The following KDM2B variants were observed in gnomAD, a reference collection of about 807,000 sequenced individuals.
KDM2B encodes lysine demethylase 2B, also known as lysine-specific demethylase 2B.
Under a neutral mutation model 150.0 loss-of-function variants are expected in KDM2B, and 26 were observed. That is an observed-to-expected ratio of 0.17 (90% CI 0.13 to 0.24). The LOEUF (loss-of-function observed/expected upper bound fraction) is 0.24, where lower values mean the gene tolerates loss of function less well. Among genes scored for constraint, KDM2B ranks in the 10% least tolerant of loss-of-function variants. The pLI, the probability that KDM2B is intolerant of heterozygous loss-of-function variation, is 1.00. For synonymous variants in KDM2B, 734 were observed against 729.5 expected, an observed-to-expected ratio of 1.01 and a Z score of -0.10; for missense variants, 1,265 against 1,816.9, an observed-to-expected ratio of 0.70 and a Z score of 5.52.
intron 8 of KDM2B, among the ~76,000 whole-genome samples, chr12:121,529,909 A>C (rs1203268519): frequency 6.9e-6 from 1 of 145,308 alleles, no homozygotes; most frequent in African/African-American, 2.6e-5. Flanking sequence ...CAGCCTGGCG[A>C]CAGAGCAAGA....
At chr12:121,551,241 AG>A (rs1462686840) in intron 4 of KDM2B, among the ~76,000 whole-genome samples, 1 of 152,198 alleles carries the variant, frequency 6.6e-6, no homozygotes, top group Non-Finnish European at 1.5e-5. Flanking sequence ...GAAAAATAAA[AG>A]TAACTCTGTG....
At chr12:121,580,363 G>C in intron 1 of KDM2B, 2 of 1,144,842 alleles carry the variant, frequency 1.7e-6, no homozygotes, top group Non-Finnish European at 2.2e-6. Context: ...CGGGCTTGGG[G>C]GGGTGGGGGC....
At position 121,452,055 on chromosome 12, in the gene KDM2B, A is replaced by C. The variant is rs1566280737; in HGVS notation, c.1959+1065T>G. Among the ~76,000 whole-genome samples, 1 of 152,172 alleles carries C rather than the reference A, an allele frequency of 6.6e-6. No homozygotes were observed. Among genetic ancestry groups the C allele is most frequent in the Non-Finnish European group, 1.5e-5 (1 of 68,032 alleles). The stretch of plus-strand genomic sequence containing the variant: ...ATAAACAAGCCAATCCAATCACAGA[A>C]AGCCAATTACTGCATAATTCCACTT... On this transcript the variant is annotated intron_variant, in intron 13 of 22. Coordinates refer to ENST00000377071, the MANE Select transcript of KDM2B (RefSeq NM_032590.5). The surrounding 1 kb of genome is among the most constrained non-coding windows in gnomAD (Gnocchi z 4.4).
intron 22 of KDM2B, among the ~76,000 whole-genome samples, chr12:121,432,122 T>TC (rs79864985): frequency 0.016 from 2,360 of 152,128 alleles, 48 homozygotes; most frequent in East Asian, 0.13. Context: ...ACTCAAGTGA[T>TC]CCATCCAGCT....
intron 6 of KDM2B, among the ~76,000 whole-genome samples, chr12:121,547,950 T>C (rs1889199045): frequency 6.6e-6 from 1 of 152,078 alleles, no homozygotes; most frequent in Non-Finnish European, 1.5e-5. Context: ...CTCTTTCCCC[T>C]TTCAGAGTTG....
At chr12:121,491,897 T>C (rs1883406749) in intron 12 of KDM2B, among the ~76,000 whole-genome samples, 2 of 151,970 alleles carry the variant, frequency 1.3e-5, no homozygotes, top group Admixed American at 1.3e-4. Flanking sequence ...GCACTGTGGC[T>C]CACGCCTGTA....
chr12:121,442,612 G>C lies in KDM2B; in HGVS notation c.2829C>G (p.Asn943Lys). The part of the protein sequence containing the change: ...VKMRRKRRLP[N>K]KELSRELSKE... ...TGCTCAGCTCCCTGCTCAGCTCCTTGTTGGGAAGCCGCCGCTTCCGGCGCA... is the reference window on the plus strand; with the variant it reads ...TGCTCAGCTCCCTGCTCAGCTCCTTCTTGGGAAGCCGCCGCTTCCGGCGCA... Residue 943 changes from asparagine to lysine, a missense_variant, in exon 19 of 23, where the codon AAC becomes AAG. Coordinates refer to ENST00000377071, the MANE Select transcript of KDM2B (RefSeq NM_032590.5). This position sits in a 1 kb window ranked among gnomAD's most constrained non-coding sequence, Gnocchi z 7.7. The C allele has an allele frequency of 6.2e-7, 1 of 1,602,504 alleles. No homozygotes were observed. The highest frequency in any genetic ancestry group is 1.1e-5 in the South Asian group (1 of 90,916).
chr12:121,522,514 CAAA>C (rs113323793), intron 8 of KDM2B, among the ~76,000 whole-genome samples: 3 of 94,148 alleles, frequency 3.2e-5, no homozygotes, highest in Non-Finnish European at 2.2e-5. Flanking sequence ...AACTCCGTCT[CAAA>C]AAAAAAAAAA....
rs144247530 is a variant in KDM2B at position 121,429,145 on chromosome 12, C to T, written c.*1143G>A. ...TGACTCTGGGCTTAAACTTCTAGTCCACTCCTAGAACAGAAACCCTCAAAG... is the reference window on the plus strand; with the variant it reads ...TGACTCTGGGCTTAAACTTCTAGTCTACTCCTAGAACAGAAACCCTCAAAG... On this transcript the variant is annotated 3_prime_UTR_variant, in exon 23 of 23. Coordinates refer to ENST00000377071, the MANE Select transcript of KDM2B (RefSeq NM_032590.5). The T allele has an allele frequency of 6.5e-6, 1 of 152,768 alleles. No individual in the cohort carries two copies. Among genetic ancestry groups the T allele is most frequent in the East Asian group, 1.9e-4 (1 of 5,194 alleles). The allele number at this position is 152,768 out of a possible 1,614,324, so 9.5% of individuals were successfully genotyped here.
chr12:121,547,645 CTTTTTTT>C (rs55686141), intron 6 of KDM2B, among the ~76,000 whole-genome samples: 1 of 80,268 alleles, frequency 1.2e-5, no homozygotes, highest in African/African-American at 4.2e-5. Flanking sequence ...CTTCCCCTTC[CTTTTTTT>C]TTTTTTTTTT....
chr12:121,467,290 C>G lies in KDM2B; in HGVS notation c.1735-13946G>C. On this transcript the variant is annotated intron_variant, in intron 12 of 22. Transcript: ENST00000377071. This position sits in a 1 kb window ranked among gnomAD's most constrained non-coding sequence, Gnocchi z 5.1. Reference sequence around the variant, plus strand: ...CGCCGCCGCCCGCCCGGAGCAGGCTCGGCTCGCCCTGGCTCGGGCTCGGGC... The same window carrying G: ...CGCCGCCGCCCGCCCGGAGCAGGCTGGGCTCGCCCTGGCTCGGGCTCGGGC... 2 of 985,402 alleles carry G rather than the reference C, an allele frequency of 2.0e-6. No homozygotes were observed. The highest frequency in any genetic ancestry group is 2.4e-6 in the Non-Finnish European group (2 of 830,722). The allele number at this position is 985,402 out of a possible 1,614,324, so 61.0% of individuals were successfully genotyped here.
At chr12:121,509,523 C>T (rs782587088) in intron 11 of KDM2B, 44 bp downstream of exon 11, 5 of 1,595,320 alleles carry the variant, frequency 3.1e-6, no homozygotes, top group African/African-American at 1.3e-5. Flanking sequence ...GGGACCTGCC[C>T]GGCCCTCCTC....
At chr12:121,581,600 A>C (rs1319880235), upstream of KDM2B, among the ~76,000 whole-genome samples, 1 of 152,232 alleles carries the variant, frequency 6.6e-6, no homozygotes, top group Non-Finnish European at 1.5e-5. Flanking sequence ...TGCTGATAAA[A>C]TGACATGGCA....
In KDM2B at chr12:121,453,048, C is replaced by A. The variant is rs1384831256; in HGVS notation, c.1959+72G>T. On this transcript the variant is annotated intron_variant, in intron 13 of 22. Transcript: ENST00000377071. This position sits in a 1 kb window ranked among gnomAD's most constrained non-coding sequence, Gnocchi z 6.4. The stretch of plus-strand genomic sequence containing the variant: ...TGTGCGGAGGGGCGGCCAGAGCGAG[C>A]AGCGGTCAGACACGCGGGCCGGCAC... 3 of 1,312,496 alleles carry A rather than the reference C, an allele frequency of 2.3e-6. No homozygotes were observed. Among genetic ancestry groups the A allele is most frequent in the East Asian group, 2.5e-5 (1 of 39,588 alleles). The allele number at this position is 1,312,496 out of a possible 1,614,324, so 81.3% of individuals were successfully genotyped here.
At chr12:121,572,533 C>T (rs184681490) in intron 4 of KDM2B, among the ~76,000 whole-genome samples, 18 of 152,342 alleles carry the variant, frequency 1.2e-4, no homozygotes, top group Non-Finnish European at 1.8e-4. Flanking sequence ...GTTCAAATGC[C>T]CCCCTTCATC....
intron 12 of KDM2B, among the ~76,000 whole-genome samples, chr12:121,457,776 A>ACACACACACACACAC (rs1878500697): frequency 6.7e-6 from 1 of 150,258 alleles, no homozygotes; most frequent in Non-Finnish European, 1.5e-5. Flanking sequence ...ACACACACAC[A>ACACACACACACACAC]AATATCTTGG....
Position 121,545,860 on chromosome 12 carries a change from G to A in KDM2B, c.683+3017C>T, listed in dbSNP as rs1888994920. Among the ~76,000 whole-genome samples, 3 of 133,666 alleles carry A rather than the reference G, an allele frequency of 2.2e-5. No individual in the cohort carries two copies. The Admixed American group carries it at 2.5e-4, about 11-fold the overall frequency. The allele number at this position is 133,666 out of a possible 152,430, so 87.7% of individuals were successfully genotyped here. ...CCCTGCATTCACTGCCTCTGTTCCA[G>A]CCCCACTGGCCTTCCTTCCACAGGT... On this transcript the variant is annotated intron_variant, in intron 6 of 22. Transcript: ENST00000377071.
At chr12:121,420,526 G>A in the KDM2B span, 1 of 1,593,332 alleles carries the variant, frequency 6.3e-7, no homozygotes, top group Admixed American at 1.7e-5. Flanking sequence ...TTTAGAGTGG[G>A]GAGGGTCTGG....
At chr12:121,555,081 G>C (rs1889795966) in intron 4 of KDM2B, among the ~76,000 whole-genome samples, 1 of 152,120 alleles carries the variant, frequency 6.6e-6, no homozygotes, top group Non-Finnish European at 1.5e-5. Context: ...AGCTACTTGG[G>C]AGGATCACTT....
Sources: gnomAD v4.1 joint callset for allele counts (sites outside exome capture counted in the v4.1 genomes callset) on GRCh38, gnomAD v4.1.1 for gene constraint, Gnocchi (gnomAD v3.1) non-coding constraint, MANE v1.5 for transcripts, NCBI Gene and HGNC (gene_info 2026-07-23, HGNC 2026-07-21) for gene names.